Variants in ILDR2 observed in about 807,000 individuals in gnomAD.
ILDR2 encodes the protein immunoglobulin like domain containing receptor 2, also known as immunoglobulin-like domain-containing receptor 2.
Under a neutral mutation model 66.8 loss-of-function variants are expected in ILDR2, and 25 were observed. The observed-to-expected ratio is 0.37, with a 90% CI of 0.27 to 0.52. The LOEUF is 0.52. Among genes scored for constraint, ILDR2 ranks in the 20% least tolerant of loss-of-function variants. The probability of loss-of-function intolerance (pLI) is 0.88; values close to 1 mark genes in which losing one functional copy is unlikely to be tolerated. For synonymous variants in ILDR2, 367 were observed against 357.2 expected, an observed-to-expected ratio of 1.03 and a Z score of -0.31; for missense variants, 827 against 876.8, an observed-to-expected ratio of 0.94 and a Z score of 0.72.
At chr1:166,965,435 C>T (rs1358220763) in intron 1 of ILDR2, among the ~76,000 whole-genome samples, 1 of 151,962 alleles carries the variant, frequency 6.6e-6, no homozygotes, top group Non-Finnish European at 1.5e-5. Context: ...ATATCAGGTA[C>T]AGAATTTTCC....
rs760297115 is a variant in ILDR2 at position 166,908,358 on chromosome 1, C to G, written c.*10997G>C. The G allele has an allele frequency of 5.3e-5, 8 of 152,186 alleles. No individual in the cohort carries two copies. The highest frequency in any genetic ancestry group is 7.3e-5 in the Non-Finnish European group (5 of 68,038). The allele number at this position is 152,186 out of a possible 1,614,324, so 9.4% of individuals were successfully genotyped here. A position where few individuals can be genotyped will look rare whatever the true frequency, so the allele number is the denominator to read the frequency against. On this transcript the variant is annotated 3_prime_UTR_variant, in exon 10 of 10. Coordinates refer to ENST00000271417, the MANE Select transcript of ILDR2 (RefSeq NM_199351.3). ...AGAGGAAGTAATCTCTCTCCTGTCT[C>G]TTCTTATAAGGACACTAATTCCATC...
chr1:166,951,067 A>G (rs1661949462), intron 3 of ILDR2, among the ~76,000 whole-genome samples: 2 of 152,234 alleles, frequency 1.3e-5, no homozygotes, highest in African/African-American at 2.4e-5. Context: ...ATTTGGAAAC[A>G]AATTGCCAGA....
chr1:166,956,581 T>A (rs1010266399), intron 3 of ILDR2, 152 bp downstream of exon 3: 2 of 752,226 alleles, frequency 2.7e-6, no homozygotes, highest in African/African-American at 3.5e-5. Flanking sequence ...CTACTGCTCA[T>A]AAAGAGCATA....
At chr1:166,926,596 CT>C (rs1660310177) in intron 7 of ILDR2, among the ~76,000 whole-genome samples, 4 of 151,660 alleles carry the variant, frequency 2.6e-5, no homozygotes. Context: ...TTGGAAAAAA[CT>C]GATACTTAAG....
At chr1:166,925,307 C>A (rs1012253092) in intron 7 of ILDR2, among the ~76,000 whole-genome samples, 1 of 152,220 alleles carries the variant, frequency 6.6e-6, no homozygotes, top group African/African-American at 2.4e-5. Context: ...TCTTCAGGAA[C>A]AGGACTTCTC....
Position 166,908,299 on chromosome 1 carries a change from G to A in ILDR2, c.*11056C>T, listed in dbSNP as rs2101817304. The A allele has an allele frequency of 6.6e-6, 1 of 152,350 alleles. No individual in the cohort carries two copies. Among genetic ancestry groups the A allele is most frequent in the South Asian group, 2.1e-4 (1 of 4,820 alleles). 9.4% of individuals were successfully genotyped at this position (152,350 alleles called of 1,614,324 possible). A position where few individuals can be genotyped will look rare whatever the true frequency, so the allele number is the denominator to read the frequency against. On this transcript the variant is annotated 3_prime_UTR_variant, in exon 10 of 10. Transcript: ENST00000271417. ...AGGTCCTTTTCCTGGTTTGCAGACA[G>A]ATACCTTGCTGTATCCTCACATGGC... is the stretch of plus-strand genomic sequence containing the variant.
rs1659535420 is a variant in ILDR2 at position 166,913,821 on chromosome 1, A to G, written c.*5534T>C. 6.6e-6 allele frequency: 1 copy of G among 152,222 alleles called. No homozygotes were observed. The highest frequency in any genetic ancestry group is 1.5e-5 in the Non-Finnish European group (1 of 68,052). The allele number at this position is 152,222 out of a possible 1,614,324, so 9.4% of individuals were successfully genotyped here. Reference sequence around the variant, plus strand: ...ATTACCCCTCACAGCACAGGTGATGAAAGTGAGGCTCTCAGCTGGGTTCAG... The same window carrying G: ...ATTACCCCTCACAGCACAGGTGATGGAAGTGAGGCTCTCAGCTGGGTTCAG... On this transcript the variant is annotated 3_prime_UTR_variant, in exon 10 of 10. Transcript: ENST00000271417.
chr1:166,967,959 G>A (rs914449209), intron 1 of ILDR2, among the ~76,000 whole-genome samples: 2 of 152,138 alleles, frequency 1.3e-5, no homozygotes, highest in Non-Finnish European at 2.9e-5. Flanking sequence ...CATGTGAGTT[G>A]AGGATCTCAT....
chr1:166,915,021 C>A lies in ILDR2; in HGVS notation c.*4334G>T, dbSNP rs1659588964. 6.6e-6 allele frequency: 1 copy of A among 152,174 alleles called. No homozygotes were observed. The highest frequency in any genetic ancestry group is 6.5e-5 in the Admixed American group (1 of 15,274). The allele number at this position is 152,174 out of a possible 1,614,324, so 9.4% of individuals were successfully genotyped here. A position where few individuals can be genotyped will look rare whatever the true frequency, so the allele number is the denominator to read the frequency against. ...AGTTTTTCTATTTCCCCAATGGCAT[C>A]TTTTCCTTCTATTCATGATTTAAGT... On this transcript the variant is annotated 3_prime_UTR_variant, in exon 10 of 10. Transcript: ENST00000271417.
intron 1 of ILDR2, among the ~76,000 whole-genome samples, chr1:166,965,578 T>TG (rs1476075897): frequency 3.5e-4 from 52 of 148,108 alleles, no homozygotes; most frequent in African/African-American, 9.4e-4. Context: ...TTGTTTTTTT[T>TG]TTTGTTTTTT....
At chr1:166,970,882 A>T (rs995890664) in intron 1 of ILDR2, among the ~76,000 whole-genome samples, 1 of 152,338 alleles carries the variant, frequency 6.6e-6, no homozygotes, top group East Asian at 1.9e-4. Flanking sequence ...CACAGAGAAA[A>T]GTAGAACAGA....
chr1:166,903,918 G>C (rs1291330986), downstream of ILDR2, among the ~76,000 whole-genome samples: 6 of 152,170 alleles, frequency 3.9e-5, no homozygotes, highest in Admixed American at 6.5e-5. Context: ...GGCCTTCTCT[G>C]ACCACCCTTC....
chr1:166,921,662 C>T lies in ILDR2; in HGVS notation c.1212-283G>A, dbSNP rs1425717647. Among the ~76,000 whole-genome samples the T allele has an allele frequency of 6.6e-6, 1 of 152,224 alleles. No individual in the cohort carries two copies. The highest frequency in any genetic ancestry group is 1.5e-5 in the Non-Finnish European group (1 of 68,036). On this transcript the variant is annotated intron_variant, in intron 8 of 9. Coordinates refer to ENST00000271417, the MANE Select transcript of ILDR2 (RefSeq NM_199351.3). This position sits in a 1 kb window ranked among gnomAD's most constrained non-coding sequence, Gnocchi z 5.3. ...GGAATACTGACCCACCGTGGGGCTGCCTTCTGGTCATTATGTTGTGACCTC... is the reference window on the plus strand; with the variant it reads ...GGAATACTGACCCACCGTGGGGCTGTCTTCTGGTCATTATGTTGTGACCTC...
At chr1:166,930,337 T>A (rs1263292397) in intron 6 of ILDR2, among the ~76,000 whole-genome samples, 1 of 152,180 alleles carries the variant, frequency 6.6e-6, no homozygotes, top group Non-Finnish European at 1.5e-5. Flanking sequence ...ATAAAGAGAC[T>A]CCACTGTACC....
In ILDR2 at chr1:166,927,056, C is replaced by G. The variant is rs1426476692; in HGVS notation, c.994+11G>C. ...TAATGCACAGATCACAGAAAACTAA[C>G]AGATGCTCACATCTGCCTCTCATCC... On this transcript the variant is annotated intron_variant, in intron 7 of 9. Transcript: ENST00000271417. 3.8e-6 allele frequency: 6 copies of G among 1,582,564 alleles called. No individual in the cohort carries two copies. The highest frequency in any genetic ancestry group is 5.2e-6 in the Non-Finnish European group (6 of 1,154,334).
At position 166,945,066 on chromosome 1, in the gene ILDR2, G is replaced by A. The variant is rs546572632; in HGVS notation, c.500-5496C>T. Among the ~76,000 whole-genome samples the A allele has an allele frequency of 2.6e-5, 4 of 152,298 alleles. No individual in the cohort carries two copies. The South Asian group carries it at 6.2e-4, about 24-fold the overall frequency. On this transcript the variant is annotated intron_variant, in intron 3 of 9. Coordinates refer to ENST00000271417, the MANE Select transcript of ILDR2 (RefSeq NM_199351.3). ...GACTTATGATTTGCTGCGCATTATA[G>A]TGACTTTATCAACCTCAGGTGGAAG... is the stretch of plus-strand genomic sequence containing the variant.
intron 4 of ILDR2, among the ~76,000 whole-genome samples, chr1:166,938,614 G>A (rs1037852607): frequency 1.3e-5 from 2 of 152,186 alleles, no homozygotes; most frequent in Non-Finnish European, 1.5e-5. Flanking sequence ...ATTCATAGAC[G>A]AATAATTAGT....
At chr1:166,926,490 T>C (rs1052555608) in intron 7 of ILDR2, among the ~76,000 whole-genome samples, 47 of 152,006 alleles carry the variant, frequency 3.1e-4, no homozygotes, top group African/African-American at 1.1e-3. Flanking sequence ...AACAACCTTT[T>C]TTCCAGATTC....
At chr1:166,964,148 A>AT (rs1472598431) in intron 1 of ILDR2, among the ~76,000 whole-genome samples, 2 of 151,938 alleles carry the variant, frequency 1.3e-5, no homozygotes, top group Non-Finnish European at 2.9e-5. Context: ...ATAAAAAAAA[A>AT]AAAAAATTTA....
Sources: allele counts gnomAD v4.1 joint callset (sites outside exome capture counted in the v4.1 genomes callset), GRCh38; gene constraint gnomAD v4.1.1; non-coding constraint Gnocchi (gnomAD v3.1); transcripts MANE v1.5; gene names NCBI Gene and HGNC (gene_info 2026-07-23, HGNC 2026-07-21).